Variants in UBAP1 observed in about 807,000 individuals in gnomAD.
UBAP1 encodes ubiquitin-associated protein 1.
UBAP1 carries 5 observed loss-of-function variants against 39.0 expected under a neutral mutation model. The ratio of observed to expected loss-of-function variants is 0.13; its 90% CI spans 0.07 to 0.27. The LOEUF is 0.27. UBAP1 is among the 10% of genes least tolerant of loss of function. UBAP1 has a pLI of 1.00. For synonymous variants in UBAP1, 211 were observed against 225.1 expected, an observed-to-expected ratio of 0.94 and a Z score of 0.56; for missense variants, 490 against 608.1, an observed-to-expected ratio of 0.81 and a Z score of 2.04.
At chr9:34,213,407 A>G (rs1054833487) in intron 1 of UBAP1, among the ~76,000 whole-genome samples, 1 of 152,150 alleles carries the variant, frequency 6.6e-6, no homozygotes, top group Admixed American at 6.6e-5. Flanking sequence ...GCTACTCAGG[A>G]GACTGAGACA....
At chr9:34,217,663 C>CT (rs1832406415) in intron 1 of UBAP1, among the ~76,000 whole-genome samples, 1 of 149,272 alleles carries the variant, frequency 6.7e-6, no homozygotes, top group Non-Finnish European at 1.5e-5. Context: ...ATGAGATAAA[C>CT]TTTTTTATAT....
At chr9:34,228,147 G>A (rs1833198545) in intron 2 of UBAP1, among the ~76,000 whole-genome samples, 1 of 151,480 alleles carries the variant, frequency 6.6e-6, no homozygotes, top group African/African-American at 2.4e-5. Context: ...AGCTGGGTGC[G>A]ATGGCTCACG....
chr9:34,208,436 A>G (rs1419474678), intron 1 of UBAP1, among the ~76,000 whole-genome samples: 6 of 152,132 alleles, frequency 3.9e-5, no homozygotes, highest in African/African-American at 1.4e-4. Context: ...TGAGGTCAGG[A>G]GTTCGAGACC....
In UBAP1 at chr9:34,195,079, T is replaced by A. The variant is rs564082655; in HGVS notation, c.-8+15839T>A. On this transcript the variant is annotated intron_variant, in intron 1 of 6. Coordinates refer to ENST00000297661, the MANE Select transcript of UBAP1 (RefSeq NM_016525.5). ...TTTCTGTGCTTACACATACACGGATTTTTTTCTTTTGTCATTTGAGAACAG... is the reference window on the plus strand; with the variant it reads ...TTTCTGTGCTTACACATACACGGATATTTTTCTTTTGTCATTTGAGAACAG... Among the ~76,000 whole-genome samples, 11 of 152,300 alleles carry A rather than the reference T, an allele frequency of 7.2e-5. No individual in the cohort carries two copies. The South Asian group carries it at 2.3e-3, about 32-fold the overall frequency.
chr9:34,249,944 GGA>G lies in UBAP1; in HGVS notation c.1254_1255del (p.Asn419TyrfsTer2). On this transcript the variant is annotated frameshift_variant, in exon 5 of 7. Transcript: ENST00000297661. LOFTEE classifies it high-confidence loss of function. ...ECVLRAMKKK[G>X]ENIEQILDYL... The stretch of plus-strand genomic sequence containing the variant: ...TGTCCTCAGAGCCATGAAGAAGAAA[GGA>G]GAGAATATTGAGCAGGTGAGCGGTT... The G allele has an allele frequency of 6.2e-7, 1 of 1,614,182 alleles. No homozygotes were observed. The highest frequency in any genetic ancestry group is 1.1e-5 in the South Asian group (1 of 91,076).
chr9:34,238,301 A>G (rs948702235), intron 3 of UBAP1, among the ~76,000 whole-genome samples: 3 of 152,236 alleles, frequency 2.0e-5, no homozygotes, highest in Admixed American at 6.5e-5. Flanking sequence ...ATTTTCGGCT[A>G]TTATGAATAA....
chr9:34,247,914 A>G (rs1834261597), intron 4 of UBAP1, among the ~76,000 whole-genome samples: 1 of 152,240 alleles, frequency 6.6e-6, no homozygotes, highest in Non-Finnish European at 1.5e-5. Flanking sequence ...TTTCCTAGAA[A>G]TAGGTAACTG....
intron 1 of UBAP1, among the ~76,000 whole-genome samples, chr9:34,187,364 T>G (rs190878491): frequency 7.2e-5 from 11 of 152,332 alleles, no homozygotes; most frequent in Non-Finnish European, 5.9e-5. Context: ...TTCTTAGAAG[T>G]TGCTTTCTTA....
chr9:34,234,191 T>C (rs774309819), intron 2 of UBAP1, 25 bp from the exon 3 acceptor site: 18 of 1,582,126 alleles, frequency 1.1e-5, no homozygotes, highest in South Asian at 1.2e-5. Flanking sequence ...TTTGCTGATA[T>C]TTTCTACTTT....
At chr9:34,216,532 C>G (rs1039091845) in intron 1 of UBAP1, among the ~76,000 whole-genome samples, 2 of 151,698 alleles carry the variant, frequency 1.3e-5, no homozygotes, top group Non-Finnish European at 2.9e-5. Flanking sequence ...ACTCTGTTGC[C>G]CAGGCTGCAG....
chr9:34,231,646 T>C (rs893543854), intron 2 of UBAP1, among the ~76,000 whole-genome samples: 1 of 117,410 alleles, frequency 8.5e-6, no homozygotes, highest in African/African-American at 2.6e-5. Context: ...GTTTTTTTTT[T>C]TTGTTTGTTT....
At chr9:34,237,769 T>G (rs1833775975) in intron 3 of UBAP1, among the ~76,000 whole-genome samples, 1 of 152,058 alleles carries the variant, frequency 6.6e-6, no homozygotes, top group Non-Finnish European at 1.5e-5. Context: ...GGTTTCATCA[T>G]GTTGCCCAGG....
In UBAP1 at chr9:34,250,408, C is replaced by T. The variant is rs184346544; in HGVS notation, c.1267-250C>T. 3.9e-5 allele frequency among the ~76,000 whole-genome samples: 6 copies of T among 152,266 alleles called. No homozygotes were observed. In the East Asian group the frequency reaches 5.8e-4, roughly 15 times the overall value. ...CTGTGGAGTTGACCATTCTGGTGGG[C>T]GTGTCAGCTGTGGCTGCAACTCCTT... On this transcript the variant is annotated intron_variant, in intron 5 of 6. Transcript: ENST00000297661.
At chr9:34,226,284 C>A (rs1458576429) in intron 2 of UBAP1, among the ~76,000 whole-genome samples, 1 of 147,564 alleles carries the variant, frequency 6.8e-6, no homozygotes, top group Non-Finnish European at 1.5e-5. Flanking sequence ...TGCTGGAGTG[C>A]AGTGGTGCCA....
chr9:34,234,449 T>C, intron 3 of UBAP1, 109 bp downstream of exon 3: 1 of 1,250,528 alleles, frequency 8.0e-7, no homozygotes, highest in Non-Finnish European at 1.1e-6. Flanking sequence ...AATCATGTTT[T>C]GGTCAACGAT....
intron 1 of UBAP1, chr9:34,206,233 G>A (rs372154421): frequency 6.6e-6 from 1 of 152,202 alleles, no homozygotes; most frequent in Admixed American, 6.6e-5. Flanking sequence ...GGGTGGTTTG[G>A]TTGTAGACAC....
intron 1 of UBAP1, among the ~76,000 whole-genome samples, chr9:34,184,551 A>C (rs1248317886): frequency 6.8e-6 from 1 of 147,246 alleles, no homozygotes; most frequent in East Asian, 2.3e-4. Flanking sequence ...GAATGGCGTG[A>C]ACCCGGGAGG....
intron 1 of UBAP1, among the ~76,000 whole-genome samples, chr9:34,204,391 G>A (rs753861148): frequency 3.0e-4 from 45 of 152,188 alleles, no homozygotes; most frequent in Non-Finnish European, 6.3e-4. Flanking sequence ...AACAAAAAAA[G>A]GGTGTGGATT....
chr9:34,206,996 A>G (rs548769795), intron 1 of UBAP1, among the ~76,000 whole-genome samples: 129 of 137,320 alleles, frequency 9.4e-4, no homozygotes, highest in African/African-American at 3.2e-3. Flanking sequence ...GCTAGTCTCC[A>G]TTTTCTTCGG....
Sources: allele counts gnomAD v4.1 joint callset (sites outside exome capture counted in the v4.1 genomes callset), GRCh38; gene constraint gnomAD v4.1.1; transcripts MANE v1.5; gene names NCBI Gene and HGNC (gene_info 2026-07-23, HGNC 2026-07-21).